Variants in AGBL1 observed in about 807,000 individuals in gnomAD.
AGBL1 encodes the protein cytosolic carboxypeptidase 4.
Under a neutral mutation model 118.9 loss-of-function variants are expected in AGBL1, and 130 were observed. That is an observed-to-expected ratio of 1.09 (90% CI 0.95 to 1.26). The LOEUF is 1.26. Ranked by LOEUF, AGBL1 falls within the 50% of genes most tolerant of loss-of-function variation. The pLI, the probability that AGBL1 is intolerant of heterozygous loss-of-function variation, is 0.00. For synonymous variants in AGBL1, 555 were observed against 478.9 expected (o/e 1.16, Z -2.08); for missense variants, 1,584 against 1,298.1 (o/e 1.22, Z -3.38).
intron 22 of AGBL1, among the ~76,000 whole-genome samples, chr15:86,717,177 G>C (rs2142707948): frequency 6.6e-6 from 1 of 152,318 alleles, no homozygotes; most frequent in Non-Finnish European, 1.5e-5. Context: ...GCAGGACAAG[G>C]AGAATTTGAG....
intron 18 of AGBL1, among the ~76,000 whole-genome samples, chr15:86,464,005 G>C (rs1305581857): frequency 6.6e-6 from 1 of 152,132 alleles, no homozygotes; most frequent in Admixed American, 6.5e-5. Flanking sequence ...GATGGGAATA[G>C]CATTGAATCT....
rs574658732 is a variant in AGBL1, at chr15:86,936,255, T to C, written c.3222-51732T>C. On this transcript the variant is annotated intron_variant, in intron 23 of 24. Coordinates refer to the AGBL1 transcript ENST00000441037. ...GTGTGTATGTATGTGTGTGTGTGTG[T>C]GTGTGTGTGTGTGACAGAGAGAGAA... Among the ~76,000 whole-genome samples the C allele has an allele frequency of 6.0e-4, 92 of 152,138 alleles. 1 individual carries two copies. Among genetic ancestry groups the C allele is most frequent in the Non-Finnish European group, 1.1e-3 (74 of 67,994 alleles).
chr15:86,686,786 C>A (rs1044274554), intron 22 of AGBL1, among the ~76,000 whole-genome samples: 10 of 152,024 alleles, frequency 6.6e-5, no homozygotes, highest in African/African-American at 2.2e-4. Context: ...AACAAATAGT[C>A]ATGAGATACA....
chr15:86,585,638 T>C (rs1336984225), intron 21 of AGBL1, among the ~76,000 whole-genome samples: 2 of 152,132 alleles, frequency 1.3e-5, no homozygotes. Context: ...AGCACTGGGA[T>C]TAAAGGTATG....
At chr15:86,317,420 A>G (rs899841536) in intron 17 of AGBL1, among the ~76,000 whole-genome samples, 2 of 152,230 alleles carry the variant, frequency 1.3e-5, no homozygotes, top group African/African-American at 4.8e-5. Context: ...GAAAGGAAGA[A>G]TCCTTTCCAA....
At chr15:86,295,086 T>C (rs2079611596) in intron 16 of AGBL1, among the ~76,000 whole-genome samples, 169 bp from the exon 17 acceptor site, 1 of 152,214 alleles carries the variant, frequency 6.6e-6, no homozygotes, top group Non-Finnish European at 1.5e-5. Context: ...ACTGAGTTTC[T>C]CCTACACAGT....
chr15:86,785,378 TGTTTTTG>T (rs2078395233), intron 22 of AGBL1, among the ~76,000 whole-genome samples: 6 of 139,178 alleles, frequency 4.3e-5, no homozygotes, highest in African/African-American at 5.4e-5. Flanking sequence ...TTTTTTTTTT[TGTTTTTG>T]TTTTTTTGAG....
At chr15:86,634,231 G>A (rs2085038803) in intron 21 of AGBL1, among the ~76,000 whole-genome samples, 1 of 152,114 alleles carries the variant, frequency 6.6e-6, no homozygotes, top group African/African-American at 2.4e-5. Context: ...CAAGAGAAGT[G>A]AAAACATATG....
At chr15:86,683,472 T>A (rs1057023877) in intron 22 of AGBL1, among the ~76,000 whole-genome samples, 2 of 152,136 alleles carry the variant, frequency 1.3e-5, no homozygotes, top group African/African-American at 4.8e-5. Context: ...ATAACAACCA[T>A]GAAAGTTAAC....
intron 18 of AGBL1, among the ~76,000 whole-genome samples, chr15:86,506,746 G>T (rs1350001379): frequency 6.6e-6 from 1 of 151,978 alleles, no homozygotes; most frequent in African/African-American, 2.4e-5. Context: ...AGCCTTAGAG[G>T]GAGGGGAGAG....
chr15:86,708,519 C>A lies in AGBL1; in HGVS notation c.3158+34083C>A, dbSNP rs75805847. On this transcript the variant is annotated intron_variant, in intron 22 of 22. Coordinates refer to ENST00000614907, the MANE Select transcript of AGBL1 (RefSeq NM_001386094.1). ...TTGCTATTGTTAAAGCTTTCCAGTT[C>A]GTGGTATTTGTTACCGCAGCCTGAG... Among the ~76,000 whole-genome samples the A allele has an allele frequency of 3.2e-4, 49 of 152,216 alleles. No individual in the cohort carries two copies. The South Asian group carries it at 5.8e-3, about 18-fold the overall frequency.
At chr15:86,545,872 A>G (rs2083572920) in intron 19 of AGBL1, 130 bp from the exon 20 acceptor site, 3 of 1,157,164 alleles carry the variant, frequency 2.6e-6, no homozygotes, top group Non-Finnish European at 3.6e-6. Context: ...TGCTAACTCA[A>G]CAGCATCCGA....
At chr15:86,325,361 T>C (rs142364731) in intron 17 of AGBL1, among the ~76,000 whole-genome samples, 1 of 152,256 alleles carries the variant, frequency 6.6e-6, no homozygotes, top group African/African-American at 2.4e-5. Context: ...GAACTAGTTG[T>C]AGTGGGAAGG....
chr15:86,559,728 G>C (rs1262347152), intron 21 of AGBL1, among the ~76,000 whole-genome samples: 2 of 152,060 alleles, frequency 1.3e-5, no homozygotes, highest in African/African-American at 2.4e-5. Flanking sequence ...CTGAGACAGA[G>C]AAGTTAAGTA....
chr15:86,208,405 C>T (rs1462843430), intron 5 of AGBL1, among the ~76,000 whole-genome samples: 3 of 152,050 alleles, frequency 2.0e-5, no homozygotes, highest in Non-Finnish European at 4.4e-5. Context: ...ATACCAGCTC[C>T]TCTTTGTACC....
chr15:86,810,309 G>T (rs1030053760), intron 22 of AGBL1, among the ~76,000 whole-genome samples: 1 of 152,064 alleles, frequency 6.6e-6, no homozygotes, highest in Non-Finnish European at 1.5e-5. Context: ...CTGTCATTTA[G>T]CTACAACGTG....
At chr15:86,159,920 G>A (rs1432108240) in intron 5 of AGBL1, among the ~76,000 whole-genome samples, 1 of 151,980 alleles carries the variant, frequency 6.6e-6, no homozygotes, top group Non-Finnish European at 1.5e-5. Flanking sequence ...ATTTCGTAGA[G>A]TGAAATACAT....
In AGBL1 at chr15:86,803,542, C is replaced by A. The variant is rs143433707; in HGVS notation, c.3159-103545C>A. Among the ~76,000 whole-genome samples the A allele has an allele frequency of 6.4e-4, 97 of 152,198 alleles. 1 individual carries two copies. In the East Asian group the frequency reaches 0.015, roughly 24 times the overall value. ...TATTTATCCTGCCTCGTTTCAGAAA[C>A]GGTAAGAGTCAACTCTGGCATCTCA... On this transcript the variant is annotated intron_variant, in intron 22 of 22. Transcript: ENST00000614907.
chr15:86,593,033 A>G (rs929452883), intron 21 of AGBL1, among the ~76,000 whole-genome samples: 3 of 151,966 alleles, frequency 2.0e-5, no homozygotes, highest in African/African-American at 7.2e-5. Context: ...CTTTATCTCT[A>G]TCCTCTCTCT....
Sources: gnomAD v4.1 joint callset for allele counts (sites outside exome capture counted in the v4.1 genomes callset) on GRCh38, gnomAD v4.1.1 for gene constraint, MANE v1.5 for transcripts, NCBI Gene and HGNC (gene_info 2026-07-23, HGNC 2026-07-21) for gene names.